Variants in SIGLEC12 observed in about 807,000 individuals in gnomAD.
The protein encoded by SIGLEC12 is sialic acid binding Ig like lectin 12, also known as sialic acid-binding Ig-like lectin 12.
Under a neutral mutation model 54.1 loss-of-function variants are expected in SIGLEC12, and 43 were observed. That is an observed-to-expected ratio of 0.80 (90% CI 0.62 to 1.03). SIGLEC12 has a LOEUF of 1.03. Ranked by LOEUF, SIGLEC12 falls within the 50% of genes least tolerant of loss-of-function variation. SIGLEC12 has a pLI of 0.00. For missense variants in SIGLEC12, 802 were observed against 735.2 expected (o/e 1.09, Z -1.05); for synonymous variants, 357 against 307.6 (o/e 1.16, Z -1.68).
At chr19:51,498,323 A>G in intron 4 of SIGLEC12, 36 bp from the exon 5 acceptor site, 1 of 1,547,264 alleles carries the variant, frequency 6.5e-7, no homozygotes, top group Non-Finnish European at 8.8e-7. Context: ...GAGAGAGACA[A>G]AGTGATCGAG....
chr19:51,501,459 C>G lies in SIGLEC12; in HGVS notation c.275G>C (p.Arg92Pro), dbSNP rs553546353. The G allele has an allele frequency of 5.0e-6, 8 of 1,614,060 alleles. No individual in the cohort carries two copies. The African/African-American group carries it at 5.3e-5, about 11-fold the overall frequency. ...CTGTGGGTCCCCAAGGAGGTGGAAT[C>G]GGTCCCGAGTCTCCTCCTGCACTGC... Reference protein sequence around the residue: ...ARAVQEETRDRFHLLGDPQNK... With the variant: ...ARAVQEETRDPFHLLGDPQNK... The change falls in exon 1 of 8, where the codon CGA becomes CCA. Residue 92 changes from arginine (R) to proline (P), a missense_variant. By Grantham distance (103) the Arg-to-Pro change is moderately radical. Transcript: ENST00000291707.
intron 1 of SIGLEC12, 46 bp from the exon 2 acceptor site, chr19:51,500,346 C>T: frequency 6.2e-7 from 1 of 1,614,006 alleles, no homozygotes. Flanking sequence ...TCCCTCTCTT[C>T]ATTTGCCCAT....
chr19:51,498,017 C>A lies in SIGLEC12; in HGVS notation c.1405+1G>T, dbSNP rs374180089. 1 of 1,614,226 alleles carries A rather than the reference C, an allele frequency of 6.2e-7. No homozygotes were observed. Among genetic ancestry groups the A allele is most frequent in the Non-Finnish European group, 8.5e-7 (1 of 1,180,020 alleles). ...CCTCCTCCAGACCCTCCCCTACCCA[C>A]CTGTGTACTCGTTTTGCAGGGAGAG... is the stretch of plus-strand genomic sequence containing the variant. On this transcript the variant is annotated splice_donor_variant, in intron 5 of 7. Coordinates refer to ENST00000291707, the MANE Select transcript of SIGLEC12 (RefSeq NM_053003.4). LOFTEE classifies it high-confidence loss of function.
chr19:51,498,301 G>C lies in SIGLEC12; in HGVS notation c.1136-14C>G. Reference sequence around the variant, plus strand: ...AGGTTGTGGATGCTGTAGAGAAAGAGACAGAAGGGCAGAGAGAGACAAAGT... The same window carrying C: ...AGGTTGTGGATGCTGTAGAGAAAGACACAGAAGGGCAGAGAGAGACAAAGT... On this transcript the variant is annotated splice_polypyrimidine_tract_variant and intron_variant, in intron 4 of 7. Coordinates refer to ENST00000291707, the MANE Select transcript of SIGLEC12 (RefSeq NM_053003.4). 1.3e-6 allele frequency: 2 copies of C among 1,588,078 alleles called. No individual in the cohort carries two copies. Among genetic ancestry groups the C allele is most frequent in the South Asian group, 1.1e-5 (1 of 88,226 alleles).
chr19:51,499,011 G>A (rs983051810), intron 4 of SIGLEC12, among the ~76,000 whole-genome samples, 159 bp downstream of exon 4: 8 of 152,106 alleles, frequency 5.3e-5, no homozygotes, highest in African/African-American at 7.2e-5. Context: ...GAGTGAAGGG[G>A]TGATGAGAAG....
rs769257316 is a variant in SIGLEC12 at position 51,500,347 on chromosome 19, A to G, written c.428-47T>C. The G allele has an allele frequency of 6.8e-6, 11 of 1,613,710 alleles. No individual in the cohort carries two copies. The African/African-American group carries it at 1.3e-4, about 20-fold the overall frequency. On this transcript the variant is annotated intron_variant, in intron 1 of 7. Coordinates refer to ENST00000291707, the MANE Select transcript of SIGLEC12 (RefSeq NM_053003.4). ...CCCAGCCCCCACTGTCCCTCTCTTC[A>G]TTTGCCCATAGCAGGGGCAGCAGCA...
chr19:51,494,980 G>T (rs1213640873), intron 7 of SIGLEC12, among the ~76,000 whole-genome samples: 1 of 152,194 alleles, frequency 6.6e-6, no homozygotes, highest in Non-Finnish European at 1.5e-5. Context: ...AAGAGGATGG[G>T]AGGGAAAGGG....
rs2122216169 is a variant in SIGLEC12 at position 51,497,433 on chromosome 19, G to A, written c.1418C>T (p.Pro473Leu). Reference protein sequence around the residue: ...LQNEYTGKMRPISGVTLGAFG... With the variant: ...LQNEYTGKMRLISGVTLGAFG... ...TGCCCCTAGCGTCACTCCTGATATA[G>A]GCCTCATTTTGCCTGAGGATGGATT... is the stretch of plus-strand genomic sequence containing the variant. The change falls in exon 6 of 8, where the codon CCT becomes CTT. Residue 473 changes from proline to leucine, a missense_variant. By Grantham distance (98) the Pro-to-Leu change is moderately conservative. Transcript: ENST00000291707. 6 of 1,611,600 alleles carry A rather than the reference G, an allele frequency of 3.7e-6. No homozygotes were observed. The highest frequency in any genetic ancestry group is 5.1e-6 in the Non-Finnish European group (6 of 1,178,264).
rs567922711 is a variant in SIGLEC12, at chr19:51,497,371, A to T, written c.1480T>A (p.Tyr494Asn). The T allele has an allele frequency of 6.2e-7, 1 of 1,613,156 alleles. No homozygotes were observed. Among genetic ancestry groups the T allele is most frequent in the East Asian group, 2.2e-5 (1 of 44,846 alleles). ...GAGATALVFLYFCIIFVVVRS... is the reference protein window; with the variant it reads ...GAGATALVFLNFCIIFVVVRS... ...CACACAACGAAGATGATGCAGAAGT[A>T]CAGGAAGACCAGGGCTGTGGCTCCA... is the stretch of plus-strand genomic sequence containing the variant. The change falls in exon 6 of 8, where the codon TAC becomes AAC. Residue 494 changes from tyrosine (Y) to asparagine (N), a missense_variant. By Grantham distance (143) the Tyr-to-Asn change is moderately radical. Transcript: ENST00000291707.
At chr19:51,497,582 T>G (rs182118359) in intron 5 of SIGLEC12, 137 bp from the exon 6 acceptor site, 1 of 614,216 alleles carries the variant, frequency 1.6e-6, no homozygotes, top group Non-Finnish European at 2.9e-6. Flanking sequence ...GGAAGGGAAC[T>G]TCTCCTGAGG....
At chr19:51,492,908 G>A (rs141223199) in intron 7 of SIGLEC12, among the ~76,000 whole-genome samples, 2 of 152,314 alleles carry the variant, frequency 1.3e-5, no homozygotes, top group African/African-American at 2.4e-5. Context: ...GAAATGTGTG[G>A]CAATTTGTCA....
intron 4 of SIGLEC12, 63 bp from the exon 5 acceptor site, chr19:51,498,350 CAGAA>C: frequency 7.0e-6 from 10 of 1,424,656 alleles, no homozygotes; most frequent in South Asian, 1.4e-5. Context: ...AGGAAGGATA[CAGAA>C]AGAGAGTGGT....
In SIGLEC12 at chr19:51,491,386, C is replaced by A. The variant is rs932673414; in HGVS notation, c.*255G>T. On this transcript the variant is annotated 3_prime_UTR_variant, in exon 8 of 8. Coordinates refer to ENST00000291707, the MANE Select transcript of SIGLEC12 (RefSeq NM_053003.4). The stretch of plus-strand genomic sequence containing the variant: ...CTCTACGATCTCACTATATTTGGAA[C>A]CTAAAATAGTCGACCTCAGAGAAGT... 1.3e-5 allele frequency: 6 copies of A among 477,478 alleles called. No individual in the cohort carries two copies. The highest frequency in any genetic ancestry group is 2.3e-5 in the Non-Finnish European group (6 of 265,268). The allele number at this position is 477,478 out of a possible 1,614,324, so 29.6% of individuals were successfully genotyped here.
intron 5 of SIGLEC12, 127 bp downstream of exon 5, chr19:51,497,891 C>A: frequency 7.4e-7 from 1 of 1,357,394 alleles, no homozygotes; most frequent in African/African-American, 1.4e-5. Flanking sequence ...CTCTCCCCAC[C>A]CCGCACTCAC....
chr19:51,499,536 A>G lies in SIGLEC12; in HGVS notation c.989T>C (p.Ile330Thr). ...TITRSSMLSL[I>T]PQPQDHGTSL... is the part of the protein sequence containing the mutation. ...GGTGCCATGGTCCTGGGGCTGTGGG[A>G]TGAGGCTGAGCATCGAGGAGCGAGT... The change falls in exon 3 of 8, where the codon ATC becomes ACC. Residue 330 changes from isoleucine to threonine, a missense_variant. Ile to Thr is a moderately conservative substitution (Grantham distance 89, BLOSUM62 -1). Transcript: ENST00000291707. 6.2e-7 allele frequency: 1 copy of G among 1,610,938 alleles called. No homozygotes were observed. Among genetic ancestry groups the G allele is most frequent in the Non-Finnish European group, 8.5e-7 (1 of 1,178,524 alleles).
chr19:51,500,375 T>G (rs761002212), intron 1 of SIGLEC12, 75 bp from the exon 2 acceptor site: 125 of 1,611,534 alleles, frequency 7.8e-5, no homozygotes, highest in Non-Finnish European at 8.5e-5. Context: ...CAGCAGCATC[T>G]CTGAGGCAGA....
In SIGLEC12 at chr19:51,491,315, A is replaced by G. The variant is rs80339130; in HGVS notation, c.*326T>C. The G allele has an allele frequency of 0.011, 2,790 of 256,902 alleles. 69 individuals are homozygous for G. Among genetic ancestry groups the G allele is most frequent in the African/African-American group, 0.058 (2,555 of 44,108 alleles). The allele number at this position is 256,902 out of a possible 1,614,324, so 15.9% of individuals were successfully genotyped here. ...TTTGGAACAACACGGATGAACCTAGAGAACATTATGTTGAGTGAAATAAGC... is the reference window on the plus strand; with the variant it reads ...TTTGGAACAACACGGATGAACCTAGGGAACATTATGTTGAGTGAAATAAGC... On this transcript the variant is annotated 3_prime_UTR_variant, in exon 8 of 8. Coordinates refer to ENST00000291707, the MANE Select transcript of SIGLEC12 (RefSeq NM_053003.4).
At chr19:51,500,342 T>C (rs73051361) in intron 1 of SIGLEC12, 42 bp from the exon 2 acceptor site, 16 of 1,614,022 alleles carry the variant, frequency 9.9e-6, no homozygotes, top group Non-Finnish European at 1.4e-5. Flanking sequence ...ACTGTCCCTC[T>C]CTTCATTTGC....
Position 51,499,422 on chromosome 19 carries a change from C to A in SIGLEC12, c.1087+16G>T. The A allele has an allele frequency of 1.3e-6, 2 of 1,555,606 alleles. No individual in the cohort carries two copies. The highest frequency in any genetic ancestry group is 1.7e-6 in the Non-Finnish European group (2 of 1,154,588). On this transcript the variant is annotated intron_variant, in intron 3 of 7. Coordinates refer to ENST00000291707, the MANE Select transcript of SIGLEC12 (RefSeq NM_053003.4). ...AATCCCGATCAAAGACCCAGACGTC[C>A]TGGCCCAGAACTCACAGGATATGTT...
Sources: allele counts gnomAD v4.1 joint callset (sites outside exome capture counted in the v4.1 genomes callset), GRCh38; gene constraint gnomAD v4.1.1; transcripts MANE v1.5; gene names NCBI Gene and HGNC (gene_info 2026-07-23, HGNC 2026-07-21).